The following ZNF786 variants were observed in gnomAD, a reference collection of about 807,000 sequenced individuals.
ZNF786 encodes the protein zinc finger protein 786.
In ZNF786, 56 loss-of-function variants were observed where a neutral mutation model predicts 63.1. That is an observed-to-expected ratio of 0.89 (90% CI 0.72 to 1.11). The LOEUF is 1.11. Ranked by LOEUF, ZNF786 falls within the 50% of genes least tolerant of loss-of-function variation. The pLI, the probability that ZNF786 is intolerant of heterozygous loss-of-function variation, is 0.00. For synonymous variants in ZNF786, 485 were observed against 406.9 expected (o/e 1.19, Z -2.31); for missense variants, 1,213 against 1,041.8 (o/e 1.16, Z -2.26).
At chr7:149,090,308 CA>C (rs1825810015) in intron 1 of ZNF786, among the ~76,000 whole-genome samples, 1 of 152,246 alleles carries the variant, frequency 6.6e-6, no homozygotes, top group Non-Finnish European at 1.5e-5. Flanking sequence ...CCTCTGGCCC[CA>C]AACCTTTCTA....
At chr7:149,079,768 A>T (rs1825620896) in intron 2 of ZNF786, among the ~76,000 whole-genome samples, 1 of 147,810 alleles carries the variant, frequency 6.8e-6, no homozygotes, top group African/African-American at 2.5e-5. Context: ...ACGGGGTTTC[A>T]CCATGTTGGC....
rs374296836 is a variant in ZNF786, at chr7:149,070,701, G to C, written c.2071C>G (p.Leu691Val). ...GTGTGCAGGCCCTGATGGCTGAGCA[G>C]CTGCGCCTTCAGGCGGAAACTCTTG... is the stretch of plus-strand genomic sequence containing the variant. ...CDKSFRLKAQLLSHQGLHTGE... is the reference protein window; with the variant it reads ...CDKSFRLKAQVLSHQGLHTGE... Residue 691 changes from leucine to valine, a missense_variant, in exon 4 of 4, where the codon CTG (leucine) becomes GTG (valine). By Grantham distance (32) the Leu-to-Val change is conservative. Coordinates refer to ENST00000491431, the MANE Select transcript of ZNF786 (RefSeq NM_152411.4). 3 of 1,613,818 alleles carry C rather than the reference G, an allele frequency of 1.9e-6. No homozygotes were observed. Among genetic ancestry groups the C allele is most frequent in the African/African-American group, 1.3e-5 (1 of 74,948 alleles).
intron 1 of ZNF786, among the ~76,000 whole-genome samples, chr7:149,087,362 T>C (rs972956101): frequency 6.6e-6 from 1 of 152,204 alleles, no homozygotes; most frequent in African/African-American, 2.4e-5. Flanking sequence ...TAAGAAACAC[T>C]AGATTAGTGG....
At position 149,072,033 on chromosome 7, in the gene ZNF786, T is replaced by C. The variant is rs1272832836; in HGVS notation, c.739A>G (p.Lys247Glu). 1.9e-6 allele frequency: 3 copies of C among 1,613,130 alleles called. No individual in the cohort carries two copies. Among genetic ancestry groups the C allele is most frequent in the Non-Finnish European group, 1.7e-6 (2 of 1,179,740 alleles). Reference protein sequence around the residue: ...QRHFRCGVCGKSFRRKLCLLR... With the variant: ...QRHFRCGVCGESFRRKLCLLR... ...AGACACAGCTTCCGGCGGAAGCTCT[T>C]ACCGCACACGCCACACCGGAAGTGC... The change falls in exon 4 of 4, where the codon AAG becomes GAG. Residue 247 changes from lysine to glutamate, a missense_variant. Physicochemically the swap from Lys to Glu is moderately conservative, Grantham distance 56. Coordinates refer to ENST00000491431, the MANE Select transcript of ZNF786 (RefSeq NM_152411.4).
In ZNF786 at chr7:149,071,523, G is replaced by A. The variant is rs1031546384; in HGVS notation, c.1249C>T (p.His417Tyr). ...RLRRLLQVHQ[H>Y]AHGGERPFSC... ...AACGGTCTCTCCCCACCGTGCGCGTGCTGGTGGACCTGCAGCAGGCGGCGC... is the reference window on the plus strand; with the variant it reads ...AACGGTCTCTCCCCACCGTGCGCGTACTGGTGGACCTGCAGCAGGCGGCGC... Residue 417 changes from histidine to tyrosine, a missense_variant, in exon 4 of 4, where the codon CAC becomes TAC. Physicochemically the swap from His to Tyr is moderately conservative, Grantham distance 83. Transcript: ENST00000491431. 1 of 1,613,324 alleles carries A rather than the reference G, an allele frequency of 6.2e-7. No individual in the cohort carries two copies. Among genetic ancestry groups the A allele is most frequent in the East Asian group, 2.2e-5 (1 of 44,884 alleles).
In ZNF786 at chr7:149,083,527, T is replaced by TA. The variant is rs560447737; in HGVS notation, c.19-2811dup. Among the ~76,000 whole-genome samples the TA allele has an allele frequency of 1.9e-3, 275 of 146,916 alleles. 2 individuals are homozygous for TA. The highest frequency in any genetic ancestry group is 6.8e-3 in the Middle Eastern group (2 of 292). On this transcript the variant is annotated intron_variant, in intron 1 of 3. Coordinates refer to ENST00000491431, the MANE Select transcript of ZNF786 (RefSeq NM_152411.4). ...ACCGCGCCCGGCCAAAGTTTATTTT[T>TA]ATTTATTTATTTGTTTATTTTAAAT... is the stretch of plus-strand genomic sequence containing the variant.
Position 149,071,106 on chromosome 7 carries a change from G to A in ZNF786, c.1666C>T (p.Gln556Ter), listed in dbSNP as rs774735905. The A allele has an allele frequency of 6.2e-7, 1 of 1,611,470 alleles. No homozygotes were observed. The highest frequency in any genetic ancestry group is 1.3e-5 in the African/African-American group (1 of 74,888). The change falls in exon 4 of 4, where the codon CAG becomes TAG. Residue 556 changes from glutamine to a stop codon, truncating the protein, a stop_gained. Coordinates refer to ENST00000491431, the MANE Select transcript of ZNF786 (RefSeq NM_152411.4). LOFTEE classifies it high-confidence loss of function. ...FRLKGILKAH[Q>*]HTHSKERPFS... ...GGCCTCTCCTTGCTGTGCGTGTGCTGGTGGGCCTTCAGGATGCCCTTCAGG... is the reference window on the plus strand; with the variant it reads ...GGCCTCTCCTTGCTGTGCGTGTGCTAGTGGGCCTTCAGGATGCCCTTCAGG...
rs769416746 is a variant in ZNF786, at chr7:149,080,713, G to A, written c.23C>T (p.Pro8Leu). Reference protein sequence around the residue: MAEPPRLPLTFEDVAIYF... With the variant: MAEPPRLLLTFEDVAIYF... ...AATAGCAACATCCTCAAAAGTCAGA[G>A]GTAGCTGAAATTGTAGACATAAGAC... is the stretch of plus-strand genomic sequence containing the variant. Residue 8 changes from proline to leucine, a missense_variant, in exon 2 of 4, where the codon CCT (proline) becomes CTT (leucine). Transcript: ENST00000491431. 6.2e-6 allele frequency: 10 copies of A among 1,603,716 alleles called. No homozygotes were observed. The highest frequency in any genetic ancestry group is 1.8e-5 in the Admixed American group (1 of 56,920).
At chr7:149,076,685 C>CTG (rs1825556516) in intron 2 of ZNF786, among the ~76,000 whole-genome samples, 1 of 146,676 alleles carries the variant, frequency 6.8e-6, no homozygotes, top group Admixed American at 6.9e-5. Context: ...CGCCACTGCA[C>CTG]TCCAGCCTGG....
Position 149,078,777 on chromosome 7 carries a change from C to A in ZNF786, c.145+1814G>T, listed in dbSNP as rs542010465. On this transcript the variant is annotated intron_variant, in intron 2 of 3. Coordinates refer to ENST00000491431, the MANE Select transcript of ZNF786 (RefSeq NM_152411.4). ...AAGTGGTATGGCTGTTGTCAACTGG[C>A]AGAAGAGATGAAGAGAAATACTAGA... Among the ~76,000 whole-genome samples, 76 of 151,886 alleles carry A rather than the reference C, an allele frequency of 5.0e-4. 1 individual carries two copies. The highest frequency in any genetic ancestry group is 1.0e-3 in the Non-Finnish European group (68 of 68,006).
chr7:149,079,606 CTG>C (rs1310783411), intron 2 of ZNF786, among the ~76,000 whole-genome samples: 1 of 131,900 alleles, frequency 7.6e-6, no homozygotes, highest in Non-Finnish European at 1.6e-5. Flanking sequence ...GAGTCTCACT[CTG>C]TTGCCAGGCT....
chr7:149,078,820 A>ATACT (rs1825606740), intron 2 of ZNF786, among the ~76,000 whole-genome samples: 1 of 152,248 alleles, frequency 6.6e-6, no homozygotes, highest in Admixed American at 6.5e-5. Flanking sequence ...TTATCTTTAT[A>ATACT]TACTGAATGA....
At chr7:149,088,893 C>G (rs1336334777) in intron 1 of ZNF786, among the ~76,000 whole-genome samples, 1 of 151,622 alleles carries the variant, frequency 6.6e-6, no homozygotes, top group Admixed American at 6.6e-5. Flanking sequence ...GTCTTTTATA[C>G]GTAAATACTT....
At chr7:149,084,811 C>G (rs1825708501) in intron 1 of ZNF786, among the ~76,000 whole-genome samples, 1 of 152,160 alleles carries the variant, frequency 6.6e-6, no homozygotes, top group Non-Finnish European at 1.5e-5. Flanking sequence ...TCCCATGTGT[C>G]AATTTTTGTT....
In ZNF786 at chr7:149,074,465, T is replaced by C; in HGVS notation, c.219A>G (p.Glu73=). 3 of 1,613,882 alleles carry C rather than the reference T, an allele frequency of 1.9e-6. No individual in the cohort carries two copies. The South Asian group carries it at 3.3e-5, about 18-fold the overall frequency. Residue 73 remains glutamate, a synonymous_variant, in exon 3 of 4, where the codon GAA becomes GAG. Coordinates refer to ENST00000491431, the MANE Select transcript of ZNF786 (RefSeq NM_152411.4). ...AAATTATGTTTCCTGATTTCTGTGA[T>C]TCTCTCCATTTCCTGAAGGGCTCTC... ...HGGEPFRKWR[E]SQKSGNIICS...
Position 149,071,572 on chromosome 7 carries a change from C to G in ZNF786, c.1200G>C (p.Ala400=). 1.2e-6 allele frequency: 2 copies of G among 1,611,790 alleles called. No individual in the cohort carries two copies. Among genetic ancestry groups the G allele is most frequent in the Non-Finnish European group, 1.7e-6 (2 of 1,179,510 alleles). ...GCAGGCGGAAGCGCTTGGTGCAATGCGCACACTGGAAGGGCTTTTCTCCAG... is the reference window on the plus strand; with the variant it reads ...GCAGGCGGAAGCGCTTGGTGCAATGGGCACACTGGAAGGGCTTTTCTCCAG... ...AHTGEKPFQC[A]HCTKRFRLRR... Residue 400 remains alanine (A), a synonymous_variant, in exon 4 of 4, where the codon GCG becomes GCC. Transcript: ENST00000491431.
chr7:149,078,190 A>T (rs1204481785), intron 2 of ZNF786, among the ~76,000 whole-genome samples: 1 of 152,086 alleles, frequency 6.6e-6, no homozygotes, highest in Non-Finnish European at 1.5e-5. Context: ...TGAACAACTG[A>T]TAAGAATGAA....
chr7:149,071,890 C>G lies in ZNF786; in HGVS notation c.882G>C (p.Lys294Asn), dbSNP rs1232202747. 15 of 1,603,294 alleles carry G rather than the reference C, an allele frequency of 9.4e-6. No homozygotes were observed. Among genetic ancestry groups the G allele is most frequent in the Non-Finnish European group, 1.1e-5 (13 of 1,176,722 alleles). Reference protein sequence around the residue: ...PSHRLPQQGEKPAQCTPCGKR... With the variant: ...PSHRLPQQGENPAQCTPCGKR... Reference sequence around the variant, plus strand: ...TGCCGCATGGGGTGCACTGGGCAGGCTTCTCCCCCTGCTGCGGGAGGCGGT... The same window carrying G: ...TGCCGCATGGGGTGCACTGGGCAGGGTTCTCCCCCTGCTGCGGGAGGCGGT... Residue 294 changes from lysine (K) to asparagine (N), a missense_variant, in exon 4 of 4, where the codon AAG becomes AAC. Physicochemically the swap from Lys to Asn is moderately conservative, Grantham distance 94 (BLOSUM62 0). Coordinates refer to ENST00000491431, the MANE Select transcript of ZNF786 (RefSeq NM_152411.4).
intron 1 of ZNF786, among the ~76,000 whole-genome samples, chr7:149,084,000 A>G (rs149347938): frequency 0.013 from 2,005 of 152,278 alleles, 17 homozygotes; most frequent in African/African-American, 0.022. Context: ...ATATGCAAAC[A>G]TGTGTCTTTA....
Sources: gnomAD v4.1 joint callset for allele counts (sites outside exome capture counted in the v4.1 genomes callset) on GRCh38, gnomAD v4.1.1 for gene constraint, MANE v1.5 for transcripts, NCBI Gene and HGNC (gene_info 2026-07-23, HGNC 2026-07-21) for gene names.